The following ROBO2 variants were observed in gnomAD, a reference collection of about 807,000 sequenced individuals.
ROBO2 encodes roundabout homolog 2.
A neutral mutation model predicts 160.8 loss-of-function variants in ROBO2; 53 were observed. The ratio of observed to expected loss-of-function variants is 0.33; its 90% CI spans 0.26 to 0.41. The LOEUF is 0.41. ROBO2 is among the 10% of genes least tolerant of loss of function. The pLI is 1.00. For synonymous variants in ROBO2, 664 were observed against 611.7 expected (o/e 1.09, Z -1.26); for missense variants, 1,577 against 1,722.4 (o/e 0.92, Z 1.49).
At chr3:77,207,719 G>A (rs1579981861) in intron 2 of ROBO2, among the ~76,000 whole-genome samples, 1 of 152,310 alleles carries the variant, frequency 6.6e-6, no homozygotes, top group African/African-American at 2.4e-5. Flanking sequence ...ATCATAAAAG[G>A]ACAGTCATAA....
At chr3:77,438,744 C>T (rs1348412303) in intron 2 of ROBO2, among the ~76,000 whole-genome samples, 1 of 151,948 alleles carries the variant, frequency 6.6e-6, no homozygotes, top group Non-Finnish European at 1.5e-5. Flanking sequence ...AAACAGGCAA[C>T]AGGCAGATTT....
intron 2 of ROBO2, among the ~76,000 whole-genome samples, chr3:76,766,334 GATA>G (rs1219011378): frequency 1.3e-5 from 2 of 151,644 alleles, no homozygotes; most frequent in Non-Finnish European, 3.0e-5. Flanking sequence ...ATAATGCTTA[GATA>G]ATAATAATTC....
intron 2 of ROBO2, among the ~76,000 whole-genome samples, chr3:77,136,729 C>A (rs1034303474): frequency 3.3e-5 from 5 of 151,642 alleles, no homozygotes; most frequent in African/African-American, 1.2e-4. Context: ...CTCCATCTCC[C>A]TGGTTCAAGT....
At chr3:77,306,400 A>G (rs2063094573) in intron 2 of ROBO2, among the ~76,000 whole-genome samples, 1 of 152,186 alleles carries the variant, frequency 6.6e-6, no homozygotes, top group South Asian at 2.1e-4. Flanking sequence ...TGGGCAAAGC[A>G]ACGCAAATGT....
intron 2 of ROBO2, among the ~76,000 whole-genome samples, chr3:76,712,634 T>A (rs1217151172): frequency 6.6e-6 from 1 of 151,794 alleles, no homozygotes; most frequent in Non-Finnish European, 1.5e-5. Flanking sequence ...GAGATCATGC[T>A]GCTGCACTCC....
chr3:77,452,609 A>T (rs150587987), intron 2 of ROBO2, among the ~76,000 whole-genome samples: 1 of 152,152 alleles, frequency 6.6e-6, no homozygotes, highest in Non-Finnish European at 1.5e-5. Context: ...AGGTTAAAAA[A>T]GAAAATGCCT....
intron 12 of ROBO2, among the ~76,000 whole-genome samples, chr3:77,565,562 C>A: frequency 6.6e-6 from 1 of 152,062 alleles, no homozygotes; most frequent in East Asian, 1.9e-4. Context: ...TAAGCAGCAT[C>A]TGCATAGCCT....
intron 2 of ROBO2, among the ~76,000 whole-genome samples, chr3:76,109,049 T>C (rs1229020283): frequency 5.3e-5 from 8 of 151,992 alleles, no homozygotes; most frequent in Non-Finnish European, 1.2e-4. Context: ...GAAAATGTTC[T>C]CTAAAATCAT....
rs528926674 is a variant in ROBO2 at position 77,495,719 on chromosome 3, T to A, written c.806+2337T>A. Among the ~76,000 whole-genome samples, 335 of 152,306 alleles carry A rather than the reference T, an allele frequency of 2.2e-3. 3 individuals carry two copies. The highest frequency in any genetic ancestry group is 7.6e-3 in the African/African-American group (317 of 41,560). ...TACCTTAGAAATGACATGCTCTTCT[T>A]AGCACATTGTATCAGGGGGCACATT... is the stretch of plus-strand genomic sequence containing the variant. On this transcript the variant is annotated intron_variant, in intron 5 of 25. Coordinates refer to ENST00000461745, the Ensembl canonical transcript of ROBO2.
intron 2 of ROBO2, among the ~76,000 whole-genome samples, chr3:75,994,315 CA>C (rs544128568): frequency 6.6e-6 from 1 of 152,064 alleles, no homozygotes; most frequent in Admixed American, 6.5e-5. Flanking sequence ...AACACTTAAA[CA>C]AAAAAATTGA....
intron 2 of ROBO2, among the ~76,000 whole-genome samples, chr3:76,030,501 T>C (rs1319102290): frequency 6.6e-6 from 1 of 152,214 alleles, no homozygotes; most frequent in Non-Finnish European, 1.5e-5. Flanking sequence ...TGGTTTTAGG[T>C]CTAACATGTA....
At chr3:77,599,066 T>A (rs2094375591) in intron 19 of ROBO2, among the ~76,000 whole-genome samples, 1 of 152,138 alleles carries the variant, frequency 6.6e-6, no homozygotes, top group African/African-American at 2.4e-5. Flanking sequence ...TTTCCCTTAA[T>A]TTTCATGATG....
chr3:77,121,006 G>A lies in ROBO2; in HGVS notation c.388+22666G>A, dbSNP rs979933912. ...GTCACCCAGGCTGGAGTACTGTGGC[G>A]CGATCTGGGCTCACTGCAACCTCCA... On this transcript the variant is annotated intron_variant, in intron 2 of 25. Transcript: ENST00000461745. 1.1e-4 allele frequency among the ~76,000 whole-genome samples: 17 copies of A among 151,902 alleles called. No individual in the cohort carries two copies. In the South Asian group the frequency reaches 1.9e-3, roughly 17 times the overall value.
intron 2 of ROBO2, among the ~76,000 whole-genome samples, chr3:77,282,860 C>T (rs940523179): frequency 4.6e-5 from 7 of 150,990 alleles, no homozygotes; most frequent in African/African-American, 1.7e-4. Flanking sequence ...GAACGCTTTA[C>T]TAGCATACAA....
intron 2 of ROBO2, among the ~76,000 whole-genome samples, chr3:76,491,355 A>G (rs1478049964): frequency 6.6e-6 from 1 of 152,146 alleles, no homozygotes; most frequent in African/African-American, 2.4e-5. Context: ...CATCTTGTAA[A>G]TTAATACTTG....
At chr3:77,557,919 A>C (rs2093180234) in intron 8 of ROBO2, 25 bp from the exon 10 acceptor site, 1 of 1,593,990 alleles carries the variant, frequency 6.3e-7, no homozygotes, top group Non-Finnish European at 8.6e-7. Context: ...ATGTTAAAAT[A>C]CCTGAAAAGA....
rs1358841008 is a variant in ROBO2 at position 77,284,105 on chromosome 3, T to C, written c.388+185765T>C. On this transcript the variant is annotated intron_variant, in intron 2 of 25. Transcript: ENST00000461745. ...GCTGAATCTGACCTTGTACCTGTTT[T>C]TGGGAAATAAGATTTTATTTTAGCA... Among the ~76,000 whole-genome samples, 4 of 152,264 alleles carry C rather than the reference T, an allele frequency of 2.6e-5. No individual in the cohort carries two copies. In the East Asian group the frequency reaches 7.7e-4, roughly 29 times the overall value.
At chr3:77,517,817 C>T (rs535660957) in intron 5 of ROBO2, among the ~76,000 whole-genome samples, 2 of 151,340 alleles carry the variant, frequency 1.3e-5, no homozygotes, top group South Asian at 2.1e-4. Flanking sequence ...AGCATATCCA[C>T]GCTATGCACA....
At chr3:76,828,319 A>G (rs1282345538) in intron 2 of ROBO2, among the ~76,000 whole-genome samples, 1 of 152,040 alleles carries the variant, frequency 6.6e-6, no homozygotes, top group Non-Finnish European at 1.5e-5. Flanking sequence ...TATTTTATCT[A>G]TATTATTATA....
Sources: allele counts gnomAD v4.1 joint callset (sites outside exome capture counted in the v4.1 genomes callset), GRCh38; gene constraint gnomAD v4.1.1; transcripts MANE v1.5; gene names NCBI Gene and HGNC (gene_info 2026-07-23, HGNC 2026-07-21).